The following SGCZ variants were observed in gnomAD, a reference collection of about 807,000 sequenced individuals.
The protein encoded by SGCZ is zeta-sarcoglycan.
In SGCZ, 40 loss-of-function variants were observed where a neutral mutation model predicts 41.3. That is an observed-to-expected ratio of 0.97 (90% CI 0.75 to 1.26). The LOEUF is 1.26. Among genes scored for constraint, SGCZ ranks in the 50% most tolerant of loss-of-function variants. The probability of loss-of-function intolerance (pLI) is 0.00; values close to 1 mark genes in which losing one functional copy is unlikely to be tolerated. For synonymous variants in SGCZ, 206 were observed against 137.5 expected (o/e 1.50, Z -3.49); for missense variants, 552 against 369.8 (o/e 1.49, Z -4.04).
rs1392594837 is a variant in SGCZ, at chr8:14,570,561, TTCA to T, written c.40-15638_40-15636del. ...TATTTTTTCATAGAGCTTTTCCTTC[TTCA>T]TCATGTCAGTGAATATATTTTCTAA... On this transcript the variant is annotated intron_variant, in intron 1 of 7. Coordinates refer to ENST00000382080, the MANE Select transcript of SGCZ (RefSeq NM_139167.4). 1.1e-4 allele frequency among the ~76,000 whole-genome samples: 16 copies of T among 152,206 alleles called. 1 individual carries two copies. Among genetic ancestry groups the T allele is most frequent in the Admixed American group, 9.2e-4 (14 of 15,282 alleles).
At chr8:14,573,599 A>AT (rs1804624924) in intron 1 of SGCZ, among the ~76,000 whole-genome samples, 2 of 152,192 alleles carry the variant, frequency 1.3e-5, no homozygotes, top group Non-Finnish European at 2.9e-5. Flanking sequence ...TACTTGGATT[A>AT]TAATAACTTT....
At chr8:14,806,443 C>T (rs1470212621) in intron 1 of SGCZ, among the ~76,000 whole-genome samples, 3 of 151,676 alleles carry the variant, frequency 2.0e-5, no homozygotes, top group African/African-American at 7.3e-5. Flanking sequence ...TCAGAGAATA[C>T]TACAAACACC....
chr8:14,268,956 G>T (rs538675477), intron 3 of SGCZ, among the ~76,000 whole-genome samples: 57 of 151,676 alleles, frequency 3.8e-4, no homozygotes, highest in African/African-American at 1.3e-3. Context: ...TATCTTAAGT[G>T]CCATTACAGG....
chr8:14,410,146 T>C (rs924459754), intron 2 of SGCZ, among the ~76,000 whole-genome samples: 2 of 152,084 alleles, frequency 1.3e-5, no homozygotes, highest in Non-Finnish European at 2.9e-5. Context: ...GGGATCTAGA[T>C]TGTGTGCTCC....
chr8:14,728,988 T>C lies in SGCZ; in HGVS notation c.40-174062A>G, dbSNP rs138350127. Among the ~76,000 whole-genome samples the C allele has an allele frequency of 6.2e-4, 94 of 152,320 alleles. 2 individuals carry two copies. Among genetic ancestry groups the C allele is most frequent in the Non-Finnish European group, 9.6e-4 (65 of 68,028 alleles). On this transcript the variant is annotated intron_variant, in intron 1 of 7. Transcript: ENST00000382080. ...AAGTCAATGCCCCTGAGTAACCTTG[T>C]TTAGTGACCTAGTTTTAAAATTACT...
At chr8:14,733,004 C>T (rs763655230) in intron 1 of SGCZ, among the ~76,000 whole-genome samples, 17 of 152,146 alleles carry the variant, frequency 1.1e-4, no homozygotes, top group Admixed American at 3.9e-4. Flanking sequence ...GTTTCTGATG[C>T]GTTTTCATCT....
chr8:14,506,938 A>G (rs921504156), intron 2 of SGCZ, among the ~76,000 whole-genome samples: 4 of 152,042 alleles, frequency 2.6e-5, no homozygotes, highest in African/African-American at 9.7e-5. Flanking sequence ...CTAGGTTCTC[A>G]GGTCTTCACT....
At chr8:14,786,701 AT>A (rs2130453990) in intron 1 of SGCZ, among the ~76,000 whole-genome samples, 1 of 152,270 alleles carries the variant, frequency 6.6e-6, no homozygotes, top group Non-Finnish European at 1.5e-5. Flanking sequence ...ATTGGAGTTT[AT>A]TTTTAGAATT....
At chr8:14,641,799 A>G (rs1175955508) in intron 1 of SGCZ, among the ~76,000 whole-genome samples, 1 of 151,594 alleles carries the variant, frequency 6.6e-6, no homozygotes, top group Non-Finnish European at 1.5e-5. Flanking sequence ...TTTCTTTCCC[A>G]TTCTTATAAT....
intron 1 of SGCZ, among the ~76,000 whole-genome samples, chr8:14,742,941 T>G (rs112873772): frequency 1.4e-4 from 22 of 152,266 alleles, no homozygotes; most frequent in African/African-American, 4.8e-4. Flanking sequence ...AGACTCAGTA[T>G]GATTTTCATA....
chr8:14,841,330 T>C (rs371087252), intron 1 of SGCZ, among the ~76,000 whole-genome samples: 3 of 151,982 alleles, frequency 2.0e-5, no homozygotes, highest in Admixed American at 1.3e-4. Context: ...AAGAGATAAA[T>C]AGGCAGTTTC....
chr8:14,723,260 CCTGAAGAAAAAGAAAG>C (rs1809947561), intron 1 of SGCZ, among the ~76,000 whole-genome samples: 1 of 152,216 alleles, frequency 6.6e-6, no homozygotes, highest in African/African-American at 2.4e-5. Context: ...AAATATTGAA[CCTGAAGAAAAAGAAAG>C]CTGAGAACCC....
intron 1 of SGCZ, among the ~76,000 whole-genome samples, chr8:14,620,054 A>T (rs1806232050): frequency 6.6e-6 from 1 of 152,228 alleles, no homozygotes; most frequent in East Asian, 1.9e-4. Context: ...ACAAGGCTTC[A>T]GTAACCAAAA....
At chr8:14,801,610 C>G (rs745342429) in intron 1 of SGCZ, among the ~76,000 whole-genome samples, 1 of 151,988 alleles carries the variant, frequency 6.6e-6, no homozygotes, top group African/African-American at 2.4e-5. Context: ...CAGGGAAACA[C>G]CATATAGAAT....
intron 2 of SGCZ, among the ~76,000 whole-genome samples, chr8:14,472,725 C>A (rs184176029): frequency 1.7e-4 from 26 of 152,180 alleles, no homozygotes; most frequent in Admixed American, 1.4e-3. Flanking sequence ...AATGTTCCTC[C>A]TGTATACATT....
chr8:14,989,815 A>G (rs1176554425), intron 1 of SGCZ, among the ~76,000 whole-genome samples: 1 of 152,224 alleles, frequency 6.6e-6, no homozygotes, highest in Non-Finnish European at 1.5e-5. Context: ...TTACAAAAAC[A>G]TCCATATCCA....
At chr8:14,656,410 T>C (rs57906927) in intron 1 of SGCZ, among the ~76,000 whole-genome samples, 1,945 of 114,344 alleles carry the variant, frequency 0.017, 48 homozygotes, top group East Asian at 0.15. Flanking sequence ...TTTCCTCCTC[T>C]CCTCTCCTTC....
At chr8:14,830,207 C>G (rs572306311) in intron 1 of SGCZ, among the ~76,000 whole-genome samples, 3 of 151,972 alleles carry the variant, frequency 2.0e-5, no homozygotes, top group African/African-American at 7.2e-5. Flanking sequence ...TTAATTATTC[C>G]ATCAGTTACT....
chr8:14,994,401 C>T (rs920241568), intron 1 of SGCZ, among the ~76,000 whole-genome samples: 31 of 152,128 alleles, frequency 2.0e-4, no homozygotes, highest in Non-Finnish European at 3.4e-4. Flanking sequence ...CTGGACAACA[C>T]GGTGAAACCC....
Sources: allele counts gnomAD v4.1 joint callset (sites outside exome capture counted in the v4.1 genomes callset), GRCh38; gene constraint gnomAD v4.1.1; transcripts MANE v1.5; gene names NCBI Gene and HGNC (gene_info 2026-07-23, HGNC 2026-07-21).